The following ENOX1 variants were observed in gnomAD, a reference collection of about 807,000 sequenced individuals.
The protein encoded by ENOX1 is ecto-NOX disulfide-thiol exchanger 1, also known as candidate growth-related and time keeping constitutive hydroquinone (NADH) oxidase.
Under a neutral mutation model 82.5 loss-of-function variants are expected in ENOX1, and 42 were observed. The observed-to-expected ratio is 0.51, with a 90% CI of 0.40 to 0.66. The LOEUF (loss-of-function observed/expected upper bound fraction) is 0.66, where lower values mean the gene tolerates loss of function less well. Among genes scored for constraint, ENOX1 ranks in the 30% least tolerant of loss-of-function variants. The pLI, the probability that ENOX1 is intolerant of heterozygous loss-of-function variation, is 0.00. For missense variants in ENOX1, 608 were observed against 811.6 expected (o/e 0.75, Z 3.05); for synonymous variants, 271 against 282.2 (o/e 0.96, Z 0.40).
intron 2 of ENOX1, chr13:43,548,158 G>C (rs2079046036): frequency 6.6e-6 from 1 of 152,092 alleles, no homozygotes; most frequent in Non-Finnish European, 1.5e-5. Flanking sequence ...GAACACATTA[G>C]AAAAAGAAAA....
chr13:43,311,813 T>C (rs1049042231), intron 11 of ENOX1, among the ~76,000 whole-genome samples: 6 of 152,222 alleles, frequency 3.9e-5, no homozygotes, highest in African/African-American at 1.4e-4. Flanking sequence ...TTTGTTGTTT[T>C]AATTTTATCA....
intron 1 of ENOX1, among the ~76,000 whole-genome samples, chr13:43,695,081 A>G (rs2086565646): frequency 6.6e-6 from 1 of 152,288 alleles, no homozygotes; most frequent in Non-Finnish European, 1.5e-5. Flanking sequence ...CCTGCAAGGC[A>G]GACTTAGTCC....
At chr13:43,446,928 A>T (rs746254003) in intron 3 of ENOX1, among the ~76,000 whole-genome samples, 15 of 152,334 alleles carry the variant, frequency 9.8e-5, no homozygotes, top group Non-Finnish European at 1.8e-4. Flanking sequence ...GGAAGCTGCG[A>T]TAATCTTGAG....
chr13:43,361,815 G>T (rs1410010532), intron 5 of ENOX1, among the ~76,000 whole-genome samples: 1 of 152,088 alleles, frequency 6.6e-6, no homozygotes, highest in Non-Finnish European at 1.5e-5. Context: ...AATATGGGAA[G>T]AATATCATTT....
intron 1 of ENOX1, among the ~76,000 whole-genome samples, chr13:43,670,238 C>A (rs1286447842): frequency 6.6e-6 from 1 of 152,132 alleles, no homozygotes; most frequent in Non-Finnish European, 1.5e-5. Context: ...CATCTGGTAC[C>A]ACTTCCCACA....
chr13:43,390,458 T>C (rs2052705960), intron 5 of ENOX1, among the ~76,000 whole-genome samples: 1 of 152,124 alleles, frequency 6.6e-6, no homozygotes, highest in Non-Finnish European at 1.5e-5. Flanking sequence ...TGTCAGCCAA[T>C]AATGCATTTT....
intron 2 of ENOX1, among the ~76,000 whole-genome samples, chr13:43,663,307 G>C (rs2084821956): frequency 6.6e-6 from 1 of 152,116 alleles, no homozygotes; most frequent in Non-Finnish European, 1.5e-5. Context: ...CCTTCCTATA[G>C]AGTCTCATCC....
chr13:43,630,719 C>T (rs1566671337), intron 2 of ENOX1, among the ~76,000 whole-genome samples: 1 of 151,368 alleles, frequency 6.6e-6, no homozygotes, highest in Non-Finnish European at 1.5e-5. Context: ...ATATTTCATA[C>T]AAAAAATACA....
intron 3 of ENOX1, among the ~76,000 whole-genome samples, chr13:43,448,524 T>C (rs2056780581): frequency 6.6e-6 from 1 of 152,192 alleles, no homozygotes; most frequent in South Asian, 2.1e-4. Context: ...ATTGACTATA[T>C]TTTATTGGGA....
At chr13:43,428,180 G>A (rs1175246048) in intron 3 of ENOX1, among the ~76,000 whole-genome samples, 1 of 152,158 alleles carries the variant, frequency 6.6e-6, no homozygotes, top group Admixed American at 6.5e-5. Context: ...AATCACTGCT[G>A]AAAGACAACT....
chr13:43,720,662 T>C (rs1312043470), intron 1 of ENOX1, among the ~76,000 whole-genome samples: 2 of 152,210 alleles, frequency 1.3e-5, no homozygotes, highest in African/African-American at 4.8e-5. Context: ...GTTTTGTAAG[T>C]GAAGCCTGAT....
chr13:43,320,266 G>C (rs781219171), intron 11 of ENOX1, among the ~76,000 whole-genome samples: 3 of 152,218 alleles, frequency 2.0e-5, no homozygotes, highest in Non-Finnish European at 4.4e-5. Context: ...AGCACGAAAA[G>C]ACTTTGAACT....
At chr13:43,651,279 A>C (rs1001235380) in intron 2 of ENOX1, among the ~76,000 whole-genome samples, 3 of 152,200 alleles carry the variant, frequency 2.0e-5, no homozygotes, top group Non-Finnish European at 2.9e-5. Context: ...AAGGAGGAGA[A>C]GAGGAACAGG....
At chr13:43,493,580 AT>A (rs1203076516) in intron 2 of ENOX1, among the ~76,000 whole-genome samples, 1 of 152,190 alleles carries the variant, frequency 6.6e-6, no homozygotes, top group Non-Finnish European at 1.5e-5. Flanking sequence ...ACCCCAGCTG[AT>A]TGGATAGTAA....
chr13:43,373,862 C>T (rs2051418905), intron 5 of ENOX1, among the ~76,000 whole-genome samples: 1 of 152,140 alleles, frequency 6.6e-6, no homozygotes, highest in South Asian at 2.1e-4. Flanking sequence ...CTAATTTATC[C>T]TTTTGAGCTG....
chr13:43,603,387 TTATTTTA>T (rs2081822744), intron 2 of ENOX1, among the ~76,000 whole-genome samples: 1 of 151,220 alleles, frequency 6.6e-6, no homozygotes, highest in African/African-American at 2.4e-5. Context: ...ATTTATTTAT[TTATTTTA>T]TTATTATTAT....
intron 14 of ENOX1, among the ~76,000 whole-genome samples, chr13:43,250,665 T>G (rs1238797418): frequency 4.6e-5 from 7 of 152,214 alleles, no homozygotes; most frequent in African/African-American, 1.7e-4. Flanking sequence ...TTATTGAGCC[T>G]CCTCCTCTTT....
chr13:43,255,720 G>A (rs1313965066), intron 14 of ENOX1, among the ~76,000 whole-genome samples: 3 of 152,074 alleles, frequency 2.0e-5, no homozygotes, highest in African/African-American at 7.2e-5. Context: ...AAGTGAAGAA[G>A]TAAAAGATCT....
intron 12 of ENOX1, among the ~76,000 whole-genome samples, chr13:43,285,982 G>T (rs2045680932): frequency 1.3e-5 from 2 of 152,064 alleles, no homozygotes; most frequent in Admixed American, 1.3e-4. Context: ...GCCTCTCCTA[G>T]CCAGCTGCAT....
Sources: gnomAD v4.1 joint callset for allele counts (sites outside exome capture counted in the v4.1 genomes callset) on GRCh38, gnomAD v4.1.1 for gene constraint, MANE v1.5 for transcripts, NCBI Gene and HGNC (gene_info 2026-07-23, HGNC 2026-07-21) for gene names.